Variants in PDLIM5 observed in about 807,000 individuals in gnomAD.
PDLIM5 encodes PDZ and LIM domain protein 5.
A neutral mutation model predicts 64.2 loss-of-function variants in PDLIM5; 34 were observed. That is an observed-to-expected ratio of 0.53 (90% CI 0.40 to 0.71). The LOEUF is 0.71. PDLIM5 is among the 30% of genes least tolerant of loss of function. The probability of loss-of-function intolerance (pLI) is 0.00; values close to 1 mark genes in which losing one functional copy is unlikely to be tolerated. For missense variants in PDLIM5, 683 were observed against 733.6 expected (o/e 0.93, Z 0.80); for synonymous variants, 253 against 269.1 (o/e 0.94, Z 0.59).
intron 7 of PDLIM5, among the ~76,000 whole-genome samples, chr4:94,610,505 A>G (rs576463924): frequency 6.6e-6 from 1 of 152,140 alleles, no homozygotes; most frequent in Non-Finnish European, 1.5e-5. Flanking sequence ...ATCACCTTTT[A>G]ATCTCTCCAC....
chr4:94,563,946 T>TTC lies in PDLIM5; in HGVS notation c.249-9404_249-9403insCT, dbSNP rs1553958803. 1.7e-4 allele frequency among the ~76,000 whole-genome samples: 24 copies of TTC among 144,424 alleles called. 1 individual carries two copies. The highest frequency in any genetic ancestry group is 7.1e-3 in the Middle Eastern group (2 of 280). The allele number at this position is 144,424 out of a possible 152,430, so 94.7% of individuals were successfully genotyped here. On this transcript the variant is annotated intron_variant, in intron 3 of 12. Coordinates refer to ENST00000317968, the MANE Select transcript of PDLIM5 (RefSeq NM_006457.5). ...GCATTTAGCAATTTTTCTTTTTTTT[T>TTC]TTTCTTTCTTTCTTTTTTTTTTTTT...
intron 10 of PDLIM5, 68 bp from the exon 11 acceptor site, chr4:94,657,359 A>G: frequency 3.5e-6 from 4 of 1,145,008 alleles, no homozygotes; most frequent in Non-Finnish European, 5.2e-6. Context: ...TGGTACAGAT[A>G]TTAGAATAAA....
chr4:94,509,987 A>G lies in PDLIM5; in HGVS notation c.97-13737A>G, dbSNP rs768852968. 9.9e-5 allele frequency among the ~76,000 whole-genome samples: 15 copies of G among 152,208 alleles called. No homozygotes were observed. In the South Asian group the frequency reaches 1.2e-3, roughly 13 times the overall value. ...CCAATCAAGTTGCCACGCAGTATCAACCATCACACCCCACTAGTTTAATAG... is the reference window on the plus strand; with the variant it reads ...CCAATCAAGTTGCCACGCAGTATCAGCCATCACACCCCACTAGTTTAATAG... On this transcript the variant is annotated intron_variant, in intron 2 of 12. Coordinates refer to ENST00000317968, the MANE Select transcript of PDLIM5 (RefSeq NM_006457.5).
At chr4:94,606,148 C>T (rs1318686559) in intron 7 of PDLIM5, among the ~76,000 whole-genome samples, 1 of 152,120 alleles carries the variant, frequency 6.6e-6, no homozygotes, top group Non-Finnish European at 1.5e-5. Context: ...TTTTATTTCA[C>T]AAATATTTGT....
At chr4:94,543,709 T>A (rs1407216675) in intron 3 of PDLIM5, among the ~76,000 whole-genome samples, 1 of 151,922 alleles carries the variant, frequency 6.6e-6, no homozygotes, top group Non-Finnish European at 1.5e-5. Context: ...TAACATAATG[T>A]CCTCCAGGTT....
chr4:94,464,697 T>C (rs1290209037), intron 2 of PDLIM5, among the ~76,000 whole-genome samples: 2 of 152,250 alleles, frequency 1.3e-5, no homozygotes, highest in African/African-American at 4.8e-5. Flanking sequence ...GAAGTATCTT[T>C]ATGCTACTCA....
At chr4:94,548,150 T>C (rs1732486759) in intron 3 of PDLIM5, among the ~76,000 whole-genome samples, 1 of 152,186 alleles carries the variant, frequency 6.6e-6, no homozygotes, top group Non-Finnish European at 1.5e-5. Context: ...TTTTTGTGTG[T>C]GCTCGAGCAC....
intron 2 of PDLIM5, among the ~76,000 whole-genome samples, chr4:94,461,300 A>T (rs1723859722): frequency 1.3e-5 from 2 of 152,242 alleles, no homozygotes; most frequent in African/African-American, 4.8e-5. Flanking sequence ...AGATATTAGC[A>T]TGTGAAATAA....
At chr4:94,608,819 A>C (rs116434091) in intron 7 of PDLIM5, among the ~76,000 whole-genome samples, 1,669 of 152,246 alleles carry the variant, frequency 0.011, 40 homozygotes, top group African/African-American at 0.038. Context: ...TAACTTTATT[A>C]TTCCCTTTGA....
At chr4:94,539,528 A>C (rs1484105506) in intron 3 of PDLIM5, among the ~76,000 whole-genome samples, 1 of 152,192 alleles carries the variant, frequency 6.6e-6, no homozygotes, top group African/African-American at 2.4e-5. Flanking sequence ...ATTAGGGAAT[A>C]GGTAGATAAA....
At position 94,575,747 on chromosome 4, in the gene PDLIM5, A is replaced by T; in HGVS notation, c.423A>T (p.Thr141=). ...GTTCTGTGTCTTCACCAAAAGTCAC[A>T]TCCATCCCATCACCATCGTCTGCCT... ...PFGSVSSPKV[T]SIPSPSSAFT... is the part of the protein sequence containing the mutation. The change falls in exon 5 of 13, where the codon ACA becomes ACT. Residue 141 remains threonine (T), a synonymous_variant. Transcript: ENST00000317968. 1 of 1,614,140 alleles carries T rather than the reference A, an allele frequency of 6.2e-7. No homozygotes were observed. The highest frequency in any genetic ancestry group is 8.5e-7 in the Non-Finnish European group (1 of 1,180,008).
chr4:94,465,343 A>G (rs1449113991), intron 2 of PDLIM5, among the ~76,000 whole-genome samples: 2 of 152,168 alleles, frequency 1.3e-5, no homozygotes, highest in African/African-American at 4.8e-5. Context: ...GATGTTTTGT[A>G]CATGTTCGAT....
intron 12 of PDLIM5, 121 bp from the exon 13 acceptor site, chr4:94,663,857 A>G (rs555623173): frequency 1.2e-5 from 10 of 860,100 alleles, no homozygotes; most frequent in South Asian, 2.7e-5. Context: ...TTAACCAACT[A>G]AAGTGTTTTG....
intron 2 of PDLIM5, among the ~76,000 whole-genome samples, chr4:94,513,370 A>C (rs571283702): frequency 6.6e-6 from 1 of 152,348 alleles, no homozygotes; most frequent in South Asian, 2.1e-4. Context: ...TGAACATGGA[A>C]TATCTTTCCA....
At chr4:94,531,369 T>C (rs1730853223) in intron 3 of PDLIM5, among the ~76,000 whole-genome samples, 1 of 152,158 alleles carries the variant, frequency 6.6e-6, no homozygotes, top group South Asian at 2.1e-4. Flanking sequence ...TAAATCCTTA[T>C]ATCAATCCAT....
At chr4:94,625,224 A>G (rs1380571484) in intron 8 of PDLIM5, among the ~76,000 whole-genome samples, 1 of 152,166 alleles carries the variant, frequency 6.6e-6, no homozygotes, top group Non-Finnish European at 1.5e-5. Context: ...AGTTTATAGC[A>G]TATTAGAATG....
At chr4:94,589,944 T>C (rs1044428809) in intron 7 of PDLIM5, among the ~76,000 whole-genome samples, 1 of 151,982 alleles carries the variant, frequency 6.6e-6, no homozygotes, top group Non-Finnish European at 1.5e-5. Context: ...CAGCTAATTT[T>C]TATAGTTTTT....
At chr4:94,532,083 T>A (rs906998016) in intron 3 of PDLIM5, among the ~76,000 whole-genome samples, 4 of 152,202 alleles carry the variant, frequency 2.6e-5, no homozygotes, top group Non-Finnish European at 5.9e-5. Flanking sequence ...CTATATTTGC[T>A]AGTTCATTCC....
intron 3 of PDLIM5, among the ~76,000 whole-genome samples, chr4:94,562,504 T>C (rs1477186909): frequency 2.6e-5 from 4 of 152,216 alleles, no homozygotes; most frequent in African/African-American, 9.6e-5. Flanking sequence ...AAACTGTTTG[T>C]TCCTGGTCTG....
Sources: gnomAD v4.1 joint callset for allele counts (sites outside exome capture counted in the v4.1 genomes callset) on GRCh38, gnomAD v4.1.1 for gene constraint, MANE v1.5 for transcripts, NCBI Gene and HGNC (gene_info 2026-07-23, HGNC 2026-07-21) for gene names.